PTPRD: variants seen among roughly 807,000 people sequenced by gnomAD.
The protein encoded by PTPRD is protein tyrosine phosphatase receptor type D.
PTPRD carries 34 observed loss-of-function variants against 214.5 expected under a neutral mutation model. The ratio of observed to expected loss-of-function variants is 0.16; its 90% CI spans 0.12 to 0.21. The LOEUF (loss-of-function observed/expected upper bound fraction) is 0.21. Among genes scored for constraint, PTPRD ranks in the 10% least tolerant of loss-of-function variants. The pLI, the probability that PTPRD is intolerant of heterozygous loss-of-function variation, is 1.00. For synonymous variants in PTPRD, 1,128 were observed against 845.7 expected (o/e 1.33, Z -5.79); for missense variants, 2,545 against 2,398.7 (o/e 1.06, Z -1.27).
In PTPRD at chr9:9,947,121, C is replaced by T. The variant is rs375853017; in HGVS notation, c.-471-8511G>A. On this transcript the variant is annotated intron_variant, in intron 4 of 45. Transcript: ENST00000381196. ...ACTTGGAAGAACTGAAAAGTTGACA[C>T]GTCCCTTTATCATGTATTCCTATAT... Among the ~76,000 whole-genome samples, 241 of 149,122 alleles carry T rather than the reference C, an allele frequency of 1.6e-3. 8 individuals carry two copies. In the South Asian group the frequency reaches 0.047, roughly 29 times the overall value.
At chr9:9,898,603 A>G (rs76500629) in intron 5 of PTPRD, among the ~76,000 whole-genome samples, 1 of 152,100 alleles carries the variant, frequency 6.6e-6, no homozygotes, top group Admixed American at 6.6e-5. Context: ...AGTCACAAAA[A>G]GATTCTTTTG....
intron 2 of PTPRD, among the ~76,000 whole-genome samples, chr9:10,360,759 T>C (rs2097365129): frequency 6.6e-6 from 1 of 152,210 alleles, no homozygotes; most frequent in African/African-American, 2.4e-5. Flanking sequence ...TTTGAAAACA[T>C]TTACATTTTG....
At chr9:10,257,727 C>CA (rs1369861666) in intron 3 of PTPRD, among the ~76,000 whole-genome samples, 1 of 152,150 alleles carries the variant, frequency 6.6e-6, no homozygotes, top group Non-Finnish European at 1.5e-5. Context: ...CTGGTCTATG[C>CA]ATGGGCATAG....
At chr9:8,672,971 T>C (rs1262791011) in intron 12 of PTPRD, among the ~76,000 whole-genome samples, 1 of 152,098 alleles carries the variant, frequency 6.6e-6, no homozygotes, top group East Asian at 1.9e-4. Context: ...AAAATTTATA[T>C]GGAAAAGAAT....
intron 9 of PTPRD, among the ~76,000 whole-genome samples, chr9:9,263,648 TAA>T (rs1023472248): frequency 6.6e-6 from 1 of 151,684 alleles, no homozygotes; most frequent in Admixed American, 6.6e-5. Context: ...CATTTCTGTT[TAA>T]AGTCATCATA....
At chr9:9,809,868 T>C (rs575144682) in intron 5 of PTPRD, among the ~76,000 whole-genome samples, 2 of 152,078 alleles carry the variant, frequency 1.3e-5, no homozygotes, top group Admixed American at 6.6e-5. Context: ...ATTCAGGAGG[T>C]TGGAAATTAT....
intron 9 of PTPRD, among the ~76,000 whole-genome samples, chr9:9,365,166 T>C (rs556401960): frequency 2.6e-5 from 4 of 151,572 alleles, no homozygotes; most frequent in East Asian, 2.0e-4. Flanking sequence ...ATACAAAATA[T>C]TGGATCACAG....
intron 5 of PTPRD, among the ~76,000 whole-genome samples, chr9:9,842,157 AT>A (rs2058482864): frequency 6.6e-6 from 1 of 151,990 alleles, no homozygotes; most frequent in South Asian, 2.1e-4. Context: ...AATATTGAGA[AT>A]TTATGCTTAA....
intron 11 of PTPRD, among the ~76,000 whole-genome samples, chr9:8,800,111 C>G (rs1467106154): frequency 6.6e-6 from 1 of 152,058 alleles, no homozygotes; most frequent in African/African-American, 2.4e-5. Context: ...GCAATCATCA[C>G]TTCTTCATTT....
chr9:9,060,389 T>C (rs1342556258), intron 10 of PTPRD, among the ~76,000 whole-genome samples: 19 of 152,128 alleles, frequency 1.2e-4, no homozygotes, highest in Non-Finnish European at 7.4e-5. Flanking sequence ...ATGTTATAGG[T>C]AAAACAAATT....
intron 11 of PTPRD, among the ~76,000 whole-genome samples, chr9:8,869,633 C>T (rs1043758390): frequency 5.3e-5 from 8 of 151,900 alleles, no homozygotes; most frequent in Non-Finnish European, 8.8e-5. Context: ...TTTATTGCTC[C>T]CAGGAAAATG....
At chr9:8,323,194 T>C (rs1481074271) in intron 44 of PTPRD, among the ~76,000 whole-genome samples, 1 of 152,184 alleles carries the variant, frequency 6.6e-6, no homozygotes, top group South Asian at 2.1e-4. Flanking sequence ...GAATAAAAGA[T>C]TCTTTTCAAG....
intron 8 of PTPRD, among the ~76,000 whole-genome samples, chr9:9,447,798 G>C: frequency 6.6e-6 from 1 of 152,120 alleles, no homozygotes; most frequent in East Asian, 1.9e-4. Context: ...GAAGAACGCT[G>C]TTCTAGGGAA....
intron 9 of PTPRD, among the ~76,000 whole-genome samples, chr9:9,276,379 T>C (rs1481517279): frequency 6.6e-6 from 1 of 151,326 alleles, no homozygotes; most frequent in African/African-American, 2.4e-5. Flanking sequence ...AGAGAAGAGA[T>C]GTAGTCTAGA....
intron 35 of PTPRD, among the ~76,000 whole-genome samples, chr9:8,405,683 A>G (rs961693367): frequency 1.3e-5 from 2 of 152,194 alleles, no homozygotes; most frequent in African/African-American, 4.8e-5. Context: ...TGACACAAAC[A>G]TGATTTTAAA....
intron 11 of PTPRD, among the ~76,000 whole-genome samples, chr9:8,756,749 A>G (rs1328534927): frequency 6.6e-6 from 1 of 152,142 alleles, no homozygotes; most frequent in African/African-American, 2.4e-5. Context: ...TTCTTTCTTT[A>G]AATATTAATA....
chr9:9,533,788 C>T (rs2182548), intron 8 of PTPRD, among the ~76,000 whole-genome samples: 27,253 of 151,776 alleles, frequency 0.18, 2,702 homozygotes, highest in Middle Eastern at 0.22. Flanking sequence ...ATGATGTATA[C>T]GTGCATGTTT....
In PTPRD at chr9:9,326,664, C is replaced by G. The variant is rs4592098; in HGVS notation, c.-203+70785G>C. Among the ~76,000 whole-genome samples, 46 of 151,474 alleles carry G rather than the reference C, an allele frequency of 3.0e-4. 1 individual carries two copies. Among genetic ancestry groups the G allele is most frequent in the African/African-American group, 1.0e-3 (42 of 41,298 alleles). On this transcript the variant is annotated intron_variant, in intron 9 of 45. Coordinates refer to ENST00000381196, the MANE Select transcript of PTPRD (RefSeq NM_002839.4). ...TTGAAGATTTTTTTTTTTAAATGAG[C>G]AAGTAAGATAAAGACAAATGAATCC...
intron 14 of PTPRD, among the ~76,000 whole-genome samples, chr9:8,588,596 T>C (rs1039463929): frequency 1.3e-5 from 2 of 152,214 alleles, no homozygotes; most frequent in African/African-American, 4.8e-5. Flanking sequence ...GTGATAACTG[T>C]ATCAGAAAAC....
Sources: allele counts gnomAD v4.1 joint callset (sites outside exome capture counted in the v4.1 genomes callset), GRCh38; gene constraint gnomAD v4.1.1; transcripts MANE v1.5; gene names NCBI Gene and HGNC (gene_info 2026-07-23, HGNC 2026-07-21).